COL4A2: variants seen among roughly 807,000 people sequenced by gnomAD.
The protein encoded by COL4A2 is collagen type IV alpha 2 chain.
In COL4A2, 99 loss-of-function variants were observed where a neutral mutation model predicts 200.2. That is an observed-to-expected ratio of 0.49 (90% confidence interval 0.42 to 0.58). COL4A2 has a LOEUF of 0.58. COL4A2 is among the 20% of genes least tolerant of loss of function. The pLI is 0.00. For missense variants in COL4A2, 1,950 were observed against 2,314.1 expected (o/e 0.84, Z 3.23); for synonymous variants, 897 against 900.6 (o/e 1.00, Z 0.07).
Position 110,385,602 on chromosome 13 carries a change from T to TGGATAGACCGTGGTTACAGTGC in COL4A2, c.180+28051_180+28052insGATAGACCGTGGTTACAGTGCG, listed in dbSNP as rs1878683758. On this transcript the variant is annotated intron_variant, in intron 4 of 47. Coordinates refer to ENST00000360467, the MANE Select transcript of COL4A2 (RefSeq NM_001846.4). ...GTGTGGATAGGCCGTGGTTACAGTGTGTGGATAGGCCGTGGCTACAGTGTG... is the reference window on the plus strand; with the variant it reads ...GTGTGGATAGGCCGTGGTTACAGTGTGGATAGACCGTGGTTACAGTGCGTGGATAGGCCGTGGCTACAGTGTG... 1.6e-5 allele frequency among the ~76,000 whole-genome samples: 2 copies of TGGATAGACCGTGGTTACAGTGC among 125,534 alleles called. 1 individual carries two copies. Among genetic ancestry groups the TGGATAGACCGTGGTTACAGTGC allele is most frequent in the Non-Finnish European group, 3.3e-5 (2 of 60,576 alleles). 82.4% of individuals were successfully genotyped at this position (125,534 alleles called of 152,430 possible). A position where few individuals can be genotyped will look rare whatever the true frequency, so the allele number is the denominator to read the frequency against.
chr13:110,452,069 C>T (rs1055028374), intron 20 of COL4A2, among the ~76,000 whole-genome samples: 2 of 152,208 alleles, frequency 1.3e-5, no homozygotes, highest in African/African-American at 4.8e-5. Flanking sequence ...GGAAAAACAC[C>T]ATGTTTGCTA....
intron 4 of COL4A2, among the ~76,000 whole-genome samples, chr13:110,412,854 G>C (rs1378926890): frequency 6.6e-6 from 1 of 152,204 alleles, no homozygotes; most frequent in East Asian, 1.9e-4. Context: ...GGCCTCACTG[G>C]CCCAGCCCTC....
intron 20 of COL4A2, among the ~76,000 whole-genome samples, chr13:110,454,908 C>T (rs1881665353): frequency 6.6e-6 from 1 of 152,116 alleles, no homozygotes; most frequent in Non-Finnish European, 1.5e-5. Context: ...GGGCCTCCTC[C>T]GTCCCCACCC....
Position 110,458,757 on chromosome 13 carries a change from T to G in COL4A2, c.1433-14T>G. 1 of 1,613,562 alleles carries G rather than the reference T, an allele frequency of 6.2e-7. No homozygotes were observed. The highest frequency in any genetic ancestry group is 1.1e-5 in the South Asian group (1 of 91,058). ...AATGCGGAACAAGGAGGCCCTCCTC[T>G]CCCTCCTCTGCAGGTGACGCTGGGG... On this transcript the variant is annotated splice_polypyrimidine_tract_variant and intron_variant, in intron 21 of 47. Coordinates refer to ENST00000360467, the MANE Select transcript of COL4A2 (RefSeq NM_001846.4).
Position 110,434,442 on chromosome 13 carries a change from G to C in COL4A2, c.726G>C (p.Lys242Asn), listed in dbSNP as rs1463099199. 1 of 1,613,750 alleles carries C rather than the reference G, an allele frequency of 6.2e-7. No individual in the cohort carries two copies. Among genetic ancestry groups the C allele is most frequent in the Non-Finnish European group, 8.5e-7 (1 of 1,179,766 alleles). Reference sequence around the variant, plus strand: ...GTTTCTACGGAGTTAAGGGTGAAAAGGTAAAGGAAGCCTGGTCAATTCCAG... The same window carrying C: ...GTTTCTACGGAGTTAAGGGTGAAAACGTAAAGGAAGCCTGGTCAATTCCAG... ...GLGFYGVKGE[K>N]GDVGQPGPNG... is the part of the protein sequence containing the mutation. Residue 242 changes from lysine (K) to asparagine (N), a missense_variant and splice_region_variant, in exon 12 of 48, where the codon AAG (lysine) becomes AAC (asparagine). By Grantham distance (94) the Lys-to-Asn change is moderately conservative. This residue lies in a region of COL4A2 where 565 missense variants were observed against 593.5 expected (regional missense o/e 0.95). Coordinates refer to ENST00000360467, the MANE Select transcript of COL4A2 (RefSeq NM_001846.4).
At chr13:110,338,425 T>G in intron 3 of COL4A2, among the ~76,000 whole-genome samples, 1 of 80,548 alleles carries the variant, frequency 1.2e-5, no homozygotes. Flanking sequence ...ACACAGAAAA[T>G]GTTGTGTGTG....
intron 15 of COL4A2, 75 bp from the exon 16 acceptor site, chr13:110,439,714 G>GAAA: frequency 6.2e-7 from 1 of 1,605,632 alleles, no homozygotes; most frequent in Non-Finnish European, 8.5e-7. Context: ...TCACAGCCAG[G>GAAA]TGCCGTAGTC....
At chr13:110,387,277 C>G (rs1594185070) in intron 4 of COL4A2, among the ~76,000 whole-genome samples, 2 of 152,140 alleles carry the variant, frequency 1.3e-5, no homozygotes, top group African/African-American at 4.8e-5. Flanking sequence ...GCGACTGATA[C>G]CCACATATAC....
Position 110,379,463 on chromosome 13 carries a change from T to C in COL4A2, c.180+21911T>C, listed in dbSNP as rs150391249. Among the ~76,000 whole-genome samples, 214 of 152,344 alleles carry C rather than the reference T, an allele frequency of 1.4e-3. 1 individual carries two copies. The highest frequency in any genetic ancestry group is 5.0e-3 in the African/African-American group (206 of 41,576). ...TGTACTCAGCAAATACCTGAGTTCC[T>C]ACTGTGTGTCAGGCTCTGTGTATAC... On this transcript the variant is annotated intron_variant, in intron 4 of 47. Coordinates refer to ENST00000360467, the MANE Select transcript of COL4A2 (RefSeq NM_001846.4).
At position 110,498,880 on chromosome 13, in the gene COL4A2, C is replaced by T. The variant is rs566310462; in HGVS notation, c.3761-2788C>T. Among the ~76,000 whole-genome samples, 28 of 152,296 alleles carry T rather than the reference C, an allele frequency of 1.8e-4. No homozygotes were observed. In the East Asian group the frequency reaches 5.0e-3, roughly 27 times the overall value. On this transcript the variant is annotated intron_variant, in intron 40 of 47. Coordinates refer to ENST00000360467, the MANE Select transcript of COL4A2 (RefSeq NM_001846.4). ...ATCCCAGGGACCTGGACGGTGTCCC[C>T]GGCTTCCAAGCCACCGTGCGGCATG... is the stretch of plus-strand genomic sequence containing the variant.
At position 110,462,555 on chromosome 13, in the gene COL4A2, G is replaced by C. The variant is rs1390029592; in HGVS notation, c.1776+171G>C. 12 of 604,408 alleles carry C rather than the reference G, an allele frequency of 2.0e-5. No individual in the cohort carries two copies. In the East Asian group the frequency reaches 3.4e-4, roughly 17 times the overall value. The allele number at this position is 604,408 out of a possible 1,614,324, so 37.4% of individuals were successfully genotyped here. A position where few individuals can be genotyped will look rare whatever the true frequency, so the allele number is the denominator to read the frequency against. On this transcript the variant is annotated intron_variant, in intron 24 of 47. Transcript: ENST00000360467. Reference sequence around the variant, plus strand: ...AATGAGCAGAAATCAGACTTTTTAGGAAACGGTGAATTAAGTTAGAAGCCA... The same window carrying C: ...AATGAGCAGAAATCAGACTTTTTAGCAAACGGTGAATTAAGTTAGAAGCCA...
chr13:110,412,106 C>T (rs946409644), intron 4 of COL4A2, among the ~76,000 whole-genome samples: 1 of 152,202 alleles, frequency 6.6e-6, no homozygotes, highest in African/African-American at 2.4e-5. Context: ...CTAACAGGTC[C>T]GCCAATACAC....
chr13:110,503,906 C>T lies in COL4A2; in HGVS notation c.4198C>T (p.Gln1400Ter). Residue 1400 changes from glutamine to a stop codon, truncating the protein, a stop_gained, in exon 44 of 48, where the codon CAA (glutamine) becomes TAA (stop). Coordinates refer to ENST00000360467, the MANE Select transcript of COL4A2 (RefSeq NM_001846.4). LOFTEE classifies it high-confidence loss of function. ...AGGAATCCCCCAGAAGATTGCCGTCCAACCAGGGACAGTGGGTCCCCAGGG... is the reference window on the plus strand; with the variant it reads ...AGGAATCCCCCAGAAGATTGCCGTCTAACCAGGGACAGTGGGTCCCCAGGG... The part of the protein sequence containing the change: ...IAGIPQKIAV[Q>*]PGTVGPQGRR... The T allele has an allele frequency of 6.2e-7, 1 of 1,612,966 alleles. No individual in the cohort carries two copies. The highest frequency in any genetic ancestry group is 1.1e-5 in the South Asian group (1 of 91,006).
intron 31 of COL4A2, among the ~76,000 whole-genome samples, chr13:110,481,640 T>C (rs61970262): frequency 0.022 from 450 of 20,794 alleles, 2 homozygotes; most frequent in South Asian, 0.033. Context: ...AGACACACTG[T>C]TCTGTCCTTC....
chr13:110,348,617 G>A (rs978492169), intron 3 of COL4A2, among the ~76,000 whole-genome samples: 6 of 151,906 alleles, frequency 3.9e-5, no homozygotes, highest in African/African-American at 1.2e-4. Context: ...TAAAAGTCCA[G>A]CTTGACTGGA....
intron 4 of COL4A2, among the ~76,000 whole-genome samples, chr13:110,420,278 C>T (rs1880198197): frequency 2.0e-5 from 3 of 152,212 alleles, no homozygotes; most frequent in African/African-American, 2.4e-5. Context: ...CATGCAGTTG[C>T]CGTGGGGACA....
intron 3 of COL4A2, among the ~76,000 whole-genome samples, chr13:110,347,337 C>T (rs1312661652): frequency 6.6e-6 from 1 of 152,206 alleles, no homozygotes. Context: ...GCTGGGAAGG[C>T]TCGGGGGGCT....
intron 10 of COL4A2, 79 bp from the exon 11 acceptor site, chr13:110,432,246 T>C: frequency 2.7e-6 from 4 of 1,498,048 alleles, no homozygotes; most frequent in Non-Finnish European, 3.6e-6. Flanking sequence ...GTCAATGGCT[T>C]TCCCAGAGCT....
chr13:110,352,347 A>G (rs566605895), intron 3 of COL4A2, among the ~76,000 whole-genome samples: 35 of 152,302 alleles, frequency 2.3e-4, no homozygotes, highest in African/African-American at 1.2e-4. Flanking sequence ...CACTGTTCCT[A>G]ATTTGCTCTC....
Sources: gnomAD v4.1 joint callset for allele counts (sites outside exome capture counted in the v4.1 genomes callset) on GRCh38, gnomAD v4.1.1 for gene constraint, gnomAD v4.1.1 regional missense constraint, MANE v1.5 for transcripts, NCBI Gene and HGNC (gene_info 2026-07-23, HGNC 2026-07-21) for gene names.